Variants in SLIT3 observed in about 807,000 individuals in gnomAD.
SLIT3 encodes the protein slit guidance ligand 3, also known as slit homolog 3 protein.
In SLIT3, 68 loss-of-function variants were observed where a neutral mutation model predicts 184.0. The observed-to-expected ratio is 0.37, with a 90% CI of 0.30 to 0.45. The LOEUF is 0.45. Among genes scored for constraint, SLIT3 ranks in the 20% least tolerant of loss-of-function variants. The probability of loss-of-function intolerance (pLI) is 1.00; values close to 1 mark genes in which losing one functional copy is unlikely to be tolerated. For synonymous variants in SLIT3, 831 were observed against 828.6 expected (o/e 1.00, Z -0.05); for missense variants, 1,707 against 2,026.0 (o/e 0.84, Z 3.02).
At chr5:168,803,970 G>T in intron 9 of SLIT3, among the ~76,000 whole-genome samples, 1 of 151,676 alleles carries the variant, frequency 6.6e-6, no homozygotes, top group East Asian at 1.9e-4. Context: ...CATGGGTAGG[G>T]CAAGGGAGAG....
chr5:168,715,118 C>T (rs923876930), intron 23 of SLIT3, among the ~76,000 whole-genome samples: 4 of 152,158 alleles, frequency 2.6e-5, no homozygotes, highest in African/African-American at 7.2e-5. Flanking sequence ...GTTAAGAACC[C>T]AAGGCTCTGG....
intron 3 of SLIT3, among the ~76,000 whole-genome samples, chr5:169,195,679 AC>A (rs1432086766): frequency 6.6e-6 from 1 of 152,058 alleles, no homozygotes; most frequent in East Asian, 1.9e-4. Context: ...GGTACACACC[AC>A]CATGCCTGGC....
intron 4 of SLIT3, among the ~76,000 whole-genome samples, chr5:168,932,583 G>A (rs879591478): frequency 6.6e-6 from 1 of 152,106 alleles, no homozygotes; most frequent in Non-Finnish European, 1.5e-5. Flanking sequence ...GTATAGATAA[G>A]CGACTGCCCA....
intron 25 of SLIT3, among the ~76,000 whole-genome samples, chr5:168,709,832 T>G (rs1399896863): frequency 1.9e-4 from 23 of 119,670 alleles, no homozygotes; most frequent in East Asian, 1.8e-3. Flanking sequence ...ATAAAAGGAG[T>G]TTTTTTTTTT....
At chr5:169,270,845 T>G (rs1398129537) in intron 1 of SLIT3, among the ~76,000 whole-genome samples, 4 of 152,174 alleles carry the variant, frequency 2.6e-5, no homozygotes, top group Admixed American at 2.6e-4. Context: ...TTATTTTAAC[T>G]CTCTGTGCCT....
intron 4 of SLIT3, chr5:169,023,807 ACT>A (rs1240677067): frequency 6.6e-6 from 1 of 151,806 alleles, no homozygotes; most frequent in Non-Finnish European, 1.5e-5. Context: ...GAGTTTTATA[ACT>A]CTGTTTTACC....
chr5:168,749,584 G>C lies in SLIT3; in HGVS notation c.2025C>G (p.Gly675=). The C allele has an allele frequency of 1.9e-6, 3 of 1,614,162 alleles. No individual in the cohort carries two copies. The highest frequency in any genetic ancestry group is 2.5e-6 in the Non-Finnish European group (3 of 1,180,022). The part of the protein sequence containing the change: ...FNCNCHLAWL[G]KWLRKRRIVS... ...CGATCCGCCTCTTCCTCAACCACTTGCCGAGCCAGGCCAGGTGGCAGTTGC... is the reference window on the plus strand; with the variant it reads ...CGATCCGCCTCTTCCTCAACCACTTCCCGAGCCAGGCCAGGTGGCAGTTGC... Residue 675 remains glycine, a synonymous_variant, in exon 19 of 36, where the codon GGC becomes GGG. Coordinates refer to ENST00000519560, the MANE Select transcript of SLIT3 (RefSeq NM_003062.4).
chr5:168,839,529 A>G (rs1049926594), intron 6 of SLIT3, among the ~76,000 whole-genome samples: 8 of 152,210 alleles, frequency 5.3e-5, no homozygotes, highest in African/African-American at 1.9e-4. Flanking sequence ...TATGTAAGAT[A>G]TCTCAATTTT....
intron 12 of SLIT3, among the ~76,000 whole-genome samples, chr5:168,774,803 T>G (rs927890208): frequency 6.6e-6 from 1 of 152,224 alleles, no homozygotes; most frequent in African/African-American, 2.4e-5. Flanking sequence ...TCCTTACAGT[T>G]CTTTTGGATC....
chr5:168,866,971 C>T (rs148652946), intron 5 of SLIT3, among the ~76,000 whole-genome samples: 277 of 152,284 alleles, frequency 1.8e-3, no homozygotes, highest in Non-Finnish European at 3.0e-3. Context: ...GACTAAGACT[C>T]GAACCCAGAT....
intron 4 of SLIT3, among the ~76,000 whole-genome samples, chr5:168,921,178 A>G (rs1181474001): frequency 6.6e-6 from 1 of 152,212 alleles, no homozygotes; most frequent in East Asian, 1.9e-4. Context: ...TTCTCCACAC[A>G]TGATCCTGCA....
chr5:169,109,116 G>A (rs1760321298), intron 4 of SLIT3, among the ~76,000 whole-genome samples: 1 of 152,238 alleles, frequency 6.6e-6, no homozygotes, highest in African/African-American at 2.4e-5. Flanking sequence ...AGCAAAGGCA[G>A]TAGGAGGTCA....
chr5:168,969,817 T>C (rs1021868909), intron 4 of SLIT3, among the ~76,000 whole-genome samples: 3 of 152,200 alleles, frequency 2.0e-5, no homozygotes, highest in Non-Finnish European at 2.9e-5. Flanking sequence ...CTCTCAAAAC[T>C]AACATTCTCA....
At chr5:168,712,482 G>T in intron 23 of SLIT3, 128 bp from the exon 24 acceptor site, 1 of 754,182 alleles carries the variant, frequency 1.3e-6, no homozygotes, top group Non-Finnish European at 2.3e-6. Flanking sequence ...CCTAGCAGTA[G>T]CTGCTGCCCC....
At chr5:168,688,532 T>C (rs1761813631) in intron 29 of SLIT3, among the ~76,000 whole-genome samples, 1 of 152,194 alleles carries the variant, frequency 6.6e-6, no homozygotes, top group Non-Finnish European at 1.5e-5. Context: ...TGTAGATTCA[T>C]AGCTAGGTAA....
At chr5:169,002,144 T>C (rs557008488) in intron 4 of SLIT3, among the ~76,000 whole-genome samples, 1 of 151,612 alleles carries the variant, frequency 6.6e-6, no homozygotes, top group Admixed American at 6.6e-5. Context: ...TGAAACCCCA[T>C]TTCTACTAAA....
chr5:168,682,634 A>AG (rs1322844058), intron 32 of SLIT3, among the ~76,000 whole-genome samples: 1 of 152,132 alleles, frequency 6.6e-6, no homozygotes, highest in Non-Finnish European at 1.5e-5. Context: ...GTGTGTGTGG[A>AG]GGGGGGATCT....
At chr5:169,098,725 T>C (rs1032805644) in intron 4 of SLIT3, among the ~76,000 whole-genome samples, 2 of 152,198 alleles carry the variant, frequency 1.3e-5, no homozygotes, top group Admixed American at 1.3e-4. Flanking sequence ...GAAGACGTCA[T>C]TTGATCATAC....
At chr5:169,119,932 A>T (rs1037693550) in intron 4 of SLIT3, 2 of 152,222 alleles carry the variant, frequency 1.3e-5, no homozygotes, top group Non-Finnish European at 2.9e-5. Context: ...GACTTAAAGA[A>T]TAAAAAAAGA....
Sources: gnomAD v4.1 joint callset for allele counts (sites outside exome capture counted in the v4.1 genomes callset) on GRCh38, gnomAD v4.1.1 for gene constraint, MANE v1.5 for transcripts, NCBI Gene and HGNC (gene_info 2026-07-23, HGNC 2026-07-21) for gene names.